Variants in POGLUT1 observed in about 807,000 individuals in gnomAD.
POGLUT1 encodes the protein protein O-glucosyltransferase 1, also known as 9630046K23Rik.
Under a neutral mutation model 61.3 loss-of-function variants are expected in POGLUT1, and 32 were observed. That is an observed-to-expected ratio of 0.52 (90% CI 0.39 to 0.70). The LOEUF is 0.70. Among genes scored for constraint, POGLUT1 ranks in the 30% least tolerant of loss-of-function variants. The pLI, the probability that POGLUT1 is intolerant of heterozygous loss-of-function variation, is 0.00. For missense variants in POGLUT1, 411 were observed against 469.8 expected, an observed-to-expected ratio of 0.87 and a Z score of 1.16; for synonymous variants, 158 against 158.2, an observed-to-expected ratio of 1.00 and a Z score of 0.01.
rs769991575 is a variant in POGLUT1 at position 119,477,586 on chromosome 3, A to T, written c.456+138A>T. ...GGTCCAGAAATGGGTCTGTGTCTCTATTAGCATCACAGTGATTGAGCAAAA... is the reference window on the plus strand; with the variant it reads ...GGTCCAGAAATGGGTCTGTGTCTCTTTTAGCATCACAGTGATTGAGCAAAA... On this transcript the variant is annotated intron_variant, in intron 4 of 10. Coordinates refer to ENST00000295588, the MANE Select transcript of POGLUT1 (RefSeq NM_152305.3). The T allele has an allele frequency of 1.3e-3, 965 of 751,690 alleles. 2 individuals are homozygous for T. Among genetic ancestry groups the T allele is most frequent in the Non-Finnish European group, 1.6e-3 (725 of 457,248 alleles). The allele number at this position is 751,690 out of a possible 1,614,324, so 46.6% of individuals were successfully genotyped here.
chr3:119,486,788 T>C (rs2081669281), intron 6 of POGLUT1, 45 bp from the exon 7 acceptor site: 1 of 1,335,190 alleles, frequency 7.5e-7, no homozygotes, highest in African/African-American at 1.4e-5. Context: ...GGAACAGTTT[T>C]CTAATACAGG....
intron 3 of POGLUT1, among the ~76,000 whole-genome samples, chr3:119,476,364 A>G (rs1358321429): frequency 6.6e-6 from 1 of 151,948 alleles, no homozygotes; most frequent in Non-Finnish European, 1.5e-5. Flanking sequence ...TTTCTTTATT[A>G]TTAATACAGT....
At chr3:119,489,345 G>A (rs1440855037) in intron 8 of POGLUT1, 3 of 158,978 alleles carry the variant, frequency 1.9e-5, no homozygotes. Context: ...TGTAGTCTTA[G>A]CTACTCGGGA....
At chr3:119,479,326 C>G (rs1456877100) in intron 4 of POGLUT1, among the ~76,000 whole-genome samples, 1 of 152,132 alleles carries the variant, frequency 6.6e-6, no homozygotes, top group Non-Finnish European at 1.5e-5. Flanking sequence ...ATTTATTGAC[C>G]AATCAATGTG....
chr3:119,476,051 G>A (rs1387215532), intron 3 of POGLUT1, among the ~76,000 whole-genome samples: 3 of 151,894 alleles, frequency 2.0e-5, no homozygotes, highest in African/African-American at 7.2e-5. Flanking sequence ...AGCTACTCAG[G>A]AGGCTGAGGT....
In POGLUT1 at chr3:119,471,378, A is replaced by ACTTC; in HGVS notation, c.247_248insTTCC (p.Arg83LeufsTer12). Reference sequence around the variant, plus strand: ...GGAAGATGATGGCAGAGGTAGTCAGACGGAAGCTAGGGACCCACTATCAGA... The same window carrying ACTTC: ...GGAAGATGATGGCAGAGGTAGTCAGACTTCCGGAAGCTAGGGACCCACTATCAGA... On this transcript the variant is annotated frameshift_variant, in exon 3 of 11. Transcript: ENST00000295588. LOFTEE classifies it high-confidence loss of function. 6.2e-7 allele frequency: 1 copy of ACTTC among 1,613,966 alleles called. No individual in the cohort carries two copies. The highest frequency in any genetic ancestry group is 2.2e-5 in the East Asian group (1 of 44,880).
At chr3:119,476,009 T>G (rs1178004585) in intron 3 of POGLUT1, among the ~76,000 whole-genome samples, 1 of 140,914 alleles carries the variant, frequency 7.1e-6, no homozygotes, top group African/African-American at 2.7e-5. Flanking sequence ...CATACAGAGT[T>G]GCCAGGTGTG....
chr3:119,479,842 A>T (rs1577081467), intron 4 of POGLUT1: 1 of 1,260,066 alleles, frequency 7.9e-7, no homozygotes, highest in African/African-American at 1.5e-5. Flanking sequence ...TGTGATTCTG[A>T]ATTCTGGAAT....
intron 4 of POGLUT1, 84 bp downstream of exon 4, chr3:119,477,532 T>C (rs1360222819): frequency 8.4e-6 from 11 of 1,309,464 alleles, no homozygotes; most frequent in Non-Finnish European, 1.1e-5. Flanking sequence ...TGACATAGTC[T>C]GATGGATAAT....
intron 9 of POGLUT1, among the ~76,000 whole-genome samples, chr3:119,491,025 A>C (rs896265463): frequency 6.6e-6 from 1 of 151,908 alleles, no homozygotes; most frequent in African/African-American, 2.4e-5. Flanking sequence ...TTATATTGTC[A>C]AAAGGATTTT....
In POGLUT1 at chr3:119,469,124, C is replaced by T; in HGVS notation, c.85+18C>T. ...GGAGTCAGGTGGGCTCCGGGCAGTG[C>T]CGAGCCTGCCCCTTGGGCTCGGGGT... On this transcript the variant is annotated intron_variant, in intron 1 of 10. Coordinates refer to ENST00000295588, the MANE Select transcript of POGLUT1 (RefSeq NM_152305.3). The T allele has an allele frequency of 6.4e-7, 1 of 1,571,226 alleles. No individual in the cohort carries two copies. Among genetic ancestry groups the T allele is most frequent in the Non-Finnish European group, 8.7e-7 (1 of 1,155,668 alleles).
chr3:119,469,879 T>C lies in POGLUT1; in HGVS notation c.145T>C (p.Cys49Arg), dbSNP rs1244087462. Residue 49 changes from cysteine (C) to arginine (R), a missense_variant, in exon 2 of 11, where the codon TGT becomes CGT. Transcript: ENST00000295588. ...INRSLENYEPCSSQNCSCYHG... is the reference protein window; with the variant it reads ...INRSLENYEPRSSQNCSCYHG... ...CAGGTCTTTGGAGAATTACGAACCATGTTCAAGTCAAAACTGCAGCTGCTA... is the reference window on the plus strand; with the variant it reads ...CAGGTCTTTGGAGAATTACGAACCACGTTCAAGTCAAAACTGCAGCTGCTA... 8 of 1,608,282 alleles carry C rather than the reference T, an allele frequency of 5.0e-6. No individual in the cohort carries two copies. The highest frequency in any genetic ancestry group is 6.0e-6 in the Non-Finnish European group (7 of 1,174,632).
rs771354370 is a variant in POGLUT1 at position 119,490,329 on chromosome 3, C to T, written c.798-222C>T. The T allele has an allele frequency of 4.4e-4, 237 of 540,302 alleles. 1 individual carries two copies. Among genetic ancestry groups the T allele is most frequent in the Non-Finnish European group, 7.3e-4 (219 of 300,052 alleles). 33.5% of individuals were successfully genotyped at this position (540,302 alleles called of 1,614,324 possible). On this transcript the variant is annotated intron_variant, in intron 8 of 10. Transcript: ENST00000295588. ...TCTGGAGAAAATATCCCCTATTTTT[C>T]CTCACCCTGCCATTCCCAGAACAAC...
chr3:119,492,997 T>C lies in POGLUT1; in HGVS notation c.*559T>C, dbSNP rs2081770598. On this transcript the variant is annotated 3_prime_UTR_variant, in exon 11 of 11. Coordinates refer to ENST00000295588, the MANE Select transcript of POGLUT1 (RefSeq NM_152305.3). Reference sequence around the variant, plus strand: ...CCATGCCATGCAATGATGTAGGAGTTCTCTTTTGTAAAACCATAAACTGTG... The same window carrying C: ...CCATGCCATGCAATGATGTAGGAGTCCTCTTTTGTAAAACCATAAACTGTG... The C allele has an allele frequency of 6.6e-6, 1 of 152,626 alleles. No individual in the cohort carries two copies. Among genetic ancestry groups the C allele is most frequent in the South Asian group, 2.1e-4 (1 of 4,828 alleles). The allele number at this position is 152,626 out of a possible 1,614,324, so 9.5% of individuals were successfully genotyped here.
intron 4 of POGLUT1, among the ~76,000 whole-genome samples, chr3:119,478,733 G>T (rs2081570310): frequency 6.6e-6 from 1 of 152,024 alleles, no homozygotes; most frequent in African/African-American, 2.4e-5. Context: ...ACAGCATATT[G>T]CACATGTATT....
intron 5 of POGLUT1, among the ~76,000 whole-genome samples, chr3:119,480,656 C>A (rs1219245179): frequency 2.0e-5 from 3 of 151,942 alleles, no homozygotes; most frequent in African/African-American, 7.3e-5. Flanking sequence ...TAGAAAGGGG[C>A]AGAATAGTCT....
chr3:119,478,031 G>A, intron 4 of POGLUT1: 1 of 276,866 alleles, frequency 3.6e-6, no homozygotes, highest in Non-Finnish European at 7.1e-6. Flanking sequence ...GAAGATTGGA[G>A]TAGCTAGGAT....
chr3:119,493,565 C>T lies in POGLUT1; in HGVS notation c.*1127C>T, dbSNP rs1303110456. 1.3e-5 allele frequency: 2 copies of T among 152,192 alleles called. No homozygotes were observed. Among genetic ancestry groups the T allele is most frequent in the African/African-American group, 2.4e-5 (1 of 41,458 alleles). The allele number at this position is 152,192 out of a possible 1,614,324, so 9.4% of individuals were successfully genotyped here. ...ACCATCCTTGACCCTTAGGCCCAACCTTTCCACAGAGAAATCACCTCTCTT... is the reference window on the plus strand; with the variant it reads ...ACCATCCTTGACCCTTAGGCCCAACTTTTCCACAGAGAAATCACCTCTCTT... On this transcript the variant is annotated 3_prime_UTR_variant, in exon 11 of 11. Coordinates refer to ENST00000295588, the MANE Select transcript of POGLUT1 (RefSeq NM_152305.3).
At chr3:119,492,248 G>A (rs2081758020) in intron 10 of POGLUT1, 34 bp from the exon 11 acceptor site, 1 of 1,541,086 alleles carries the variant, frequency 6.5e-7, no homozygotes, top group Non-Finnish European at 8.8e-7. Flanking sequence ...TAAATTCTGT[G>A]CTTTAACATT....
Sources: gnomAD v4.1 joint callset for allele counts (sites outside exome capture counted in the v4.1 genomes callset) on GRCh38, gnomAD v4.1.1 for gene constraint, MANE v1.5 for transcripts, NCBI Gene and HGNC (gene_info 2026-07-23, HGNC 2026-07-21) for gene names.